Variants in STMND1 observed in about 807,000 individuals in gnomAD.
STMND1 encodes stathmin domain containing 1.
STMND1 carries 17 observed loss-of-function variants against 23.0 expected under a neutral mutation model. That is an observed-to-expected ratio of 0.74 (90% CI 0.51 to 1.11). The LOEUF (loss-of-function observed/expected upper bound fraction) is 1.11, where lower values mean the gene tolerates loss of function less well. STMND1 is among the 50% of genes least tolerant of loss of function. The pLI is 0.00. For synonymous variants in STMND1, 114 were observed against 119.9 expected, an observed-to-expected ratio of 0.95 and a Z score of 0.32; for missense variants, 305 against 329.1, an observed-to-expected ratio of 0.93 and a Z score of 0.57.
chr6:17,126,890 C>G (rs767436762), intron 3 of STMND1, among the ~76,000 whole-genome samples: 1 of 152,144 alleles, frequency 6.6e-6, no homozygotes, highest in African/African-American at 2.4e-5. Flanking sequence ...GCCTCTTGCC[C>G]CTTGCTGCTT....
intron 1 of STMND1, among the ~76,000 whole-genome samples, chr6:17,108,191 G>A (rs2113474761): frequency 6.6e-6 from 1 of 152,276 alleles, no homozygotes; most frequent in Non-Finnish European, 1.5e-5. Context: ...GCTAAGGCCT[G>A]GATTCCAAAT....
At chr6:17,126,536 T>C (rs1761309252) in intron 3 of STMND1, among the ~76,000 whole-genome samples, 1 of 152,170 alleles carries the variant, frequency 6.6e-6, no homozygotes, top group African/African-American at 2.4e-5. Context: ...GATTACTACT[T>C]AATTTTCTTT....
At chr6:17,112,243 A>G (rs1761105005) in intron 1 of STMND1, among the ~76,000 whole-genome samples, 1 of 152,164 alleles carries the variant, frequency 6.6e-6, no homozygotes, top group Non-Finnish European at 1.5e-5. Context: ...GGCTTTTTTC[A>G]CTTAGCATAA....
intron 3 of STMND1, among the ~76,000 whole-genome samples, chr6:17,124,647 C>T (rs1158723382): frequency 1.3e-5 from 2 of 152,158 alleles, no homozygotes; most frequent in Non-Finnish European, 2.9e-5. Context: ...TTCCATAGTA[C>T]TCTCTGGATA....
intron 1 of STMND1, chr6:17,110,681 T>C: frequency 2.6e-6 from 1 of 378,286 alleles, no homozygotes; most frequent in Non-Finnish European, 5.2e-6. Context: ...GGCAGGAGAA[T>C]CACTTGAACC....
intron 1 of STMND1, among the ~76,000 whole-genome samples, chr6:17,108,346 C>CATCCAT: frequency 6.6e-6 from 1 of 152,044 alleles, no homozygotes; most frequent in South Asian, 2.1e-4. Flanking sequence ...CTCTCAATTC[C>CATCCAT]CGTGGGCATT....
intron 4 of STMND1, among the ~76,000 whole-genome samples, chr6:17,130,288 G>A (rs1276321856): frequency 6.6e-6 from 1 of 152,110 alleles, no homozygotes; most frequent in Non-Finnish European, 1.5e-5. Flanking sequence ...TACTCCTGCT[G>A]CATTTTCACC....
intron 1 of STMND1, among the ~76,000 whole-genome samples, chr6:17,103,747 T>C (rs896546534): frequency 6.6e-6 from 1 of 151,962 alleles, no homozygotes; most frequent in African/African-American, 2.4e-5. Flanking sequence ...AATTTTTGTA[T>C]TTTTATTAGA....
rs759993587 is a variant in STMND1 at position 17,115,075 on chromosome 6, C to G, written c.195C>G (p.Ser65Arg). The change falls in exon 2 of 5, where the codon AGC becomes AGG. Residue 65 changes from serine to arginine, a missense_variant. Transcript: ENST00000536551. The stretch of plus-strand genomic sequence containing the variant: ...GCCTGGAACAAGTCCAGATGGGAAG[C>G]TTACCTGGAACCATTTCAGAAAATT... ...AEGLEQVQMG[S>R]LPGTISENSP... 2.5e-4 allele frequency: 377 copies of G among 1,535,994 alleles called. 3 individuals carry two copies. Among genetic ancestry groups the G allele is most frequent in the Middle Eastern group, 1.5e-3 (9 of 5,988 alleles).
At chr6:17,129,714 G>A (rs1169505141) in intron 4 of STMND1, among the ~76,000 whole-genome samples, 132 of 140,278 alleles carry the variant, frequency 9.4e-4, no homozygotes, top group South Asian at 2.6e-3. Flanking sequence ...CGTGGTGGCG[G>A]GCGCCTGTAG....
In STMND1 at chr6:17,130,888, T is replaced by C; in HGVS notation, c.*7T>C. 1 of 1,496,128 alleles carries C rather than the reference T, an allele frequency of 6.7e-7. No individual in the cohort carries two copies. 92.7% of individuals were successfully genotyped at this position (1,496,128 alleles called of 1,614,324 possible). On this transcript the variant is annotated 3_prime_UTR_variant, in exon 5 of 5. Coordinates refer to ENST00000536551, the MANE Select transcript of STMND1 (RefSeq NM_001190766.2). ...AGATGACATAGTCTACTAAGCCATT[T>C]TTTGTGAATTTCATAAGAAAGCATT... is the stretch of plus-strand genomic sequence containing the variant.
chr6:17,130,161 G>A (rs945113551), intron 4 of STMND1, among the ~76,000 whole-genome samples: 1 of 152,142 alleles, frequency 6.6e-6, no homozygotes, highest in Non-Finnish European at 1.5e-5. Flanking sequence ...AATGAAGTAC[G>A]GAGTGTTCTT....
At chr6:17,109,037 T>C (rs1174370459) in intron 1 of STMND1, among the ~76,000 whole-genome samples, 1 of 152,192 alleles carries the variant, frequency 6.6e-6, no homozygotes, top group African/African-American at 2.4e-5. Context: ...ATGTTACATG[T>C]AATATGTTGT....
At chr6:17,117,727 T>A (rs897336942) in intron 2 of STMND1, among the ~76,000 whole-genome samples, 1 of 133,302 alleles carries the variant, frequency 7.5e-6, no homozygotes, top group Non-Finnish European at 1.6e-5. Flanking sequence ...CCAAGCTGGA[T>A]TGCAGTGGTG....
Position 17,115,151 on chromosome 6 carries a change from C to G in STMND1, c.259+12C>G. The G allele has an allele frequency of 6.5e-7, 1 of 1,531,674 alleles. No individual in the cohort carries two copies. The highest frequency in any genetic ancestry group is 1.7e-4 in the Middle Eastern group (1 of 5,954). 94.9% of individuals were successfully genotyped at this position (1,531,674 alleles called of 1,614,324 possible). On this transcript the variant is annotated intron_variant, in intron 2 of 4. Transcript: ENST00000536551. The stretch of plus-strand genomic sequence containing the variant: ...ACGAGTAAATTCAGGTAACCTCCCT[C>G]TGCCCCCATTCACGTAGATCTTCAC...
intron 3 of STMND1, among the ~76,000 whole-genome samples, chr6:17,125,375 A>G (rs1171724438): frequency 6.6e-6 from 1 of 152,184 alleles, no homozygotes; most frequent in African/African-American, 2.4e-5. Flanking sequence ...GCTCTCATTT[A>G]TCCACATAGG....
intron 1 of STMND1, among the ~76,000 whole-genome samples, chr6:17,104,296 C>T (rs1424181240): frequency 1.3e-5 from 2 of 152,134 alleles, no homozygotes; most frequent in African/African-American, 2.4e-5. Flanking sequence ...TTGTTCTTGT[C>T]GCCCTTTTCA....
intron 1 of STMND1, among the ~76,000 whole-genome samples, chr6:17,112,143 A>G (rs1761103849): frequency 6.6e-6 from 1 of 152,208 alleles, no homozygotes; most frequent in East Asian, 1.9e-4. Flanking sequence ...ATTGATAGTC[A>G]ATCCTCGTTC....
chr6:17,107,894 C>A (rs1455360660), intron 1 of STMND1, among the ~76,000 whole-genome samples: 1 of 152,204 alleles, frequency 6.6e-6, no homozygotes, highest in Non-Finnish European at 1.5e-5. Flanking sequence ...CCCTGAGAGG[C>A]ATAGATCTAA....
Sources: gnomAD v4.1 joint callset for allele counts (sites outside exome capture counted in the v4.1 genomes callset) on GRCh38, gnomAD v4.1.1 for gene constraint, MANE v1.5 for transcripts, NCBI Gene and HGNC (gene_info 2026-07-23, HGNC 2026-07-21) for gene names.